Variants in DSE observed in about 807,000 individuals in gnomAD.
DSE encodes the protein dermatan sulfate epimerase, also known as dermatan-sulfate epimerase.
Under a neutral mutation model 84.4 loss-of-function variants are expected in DSE, and 36 were observed. The observed-to-expected ratio is 0.43, with a 90% CI of 0.33 to 0.56. The LOEUF is 0.56. DSE is among the 20% of genes least tolerant of loss of function. DSE has a pLI of 0.06. For missense variants in DSE, 862 were observed against 1,169.6 expected, an observed-to-expected ratio of 0.74 and a Z score of 3.84; for synonymous variants, 410 against 430.1, an observed-to-expected ratio of 0.95 and a Z score of 0.58.
At chr6:116,353,832 G>T (rs1208181450) in intron 2 of DSE, among the ~76,000 whole-genome samples, 1 of 152,120 alleles carries the variant, frequency 6.6e-6, no homozygotes, top group African/African-American at 2.4e-5. Context: ...TTTGGTTTTT[G>T]TGAGCTTTAA....
Position 116,334,547 on chromosome 6 carries a change from T to C in DSE, c.-53-64651T>C, listed in dbSNP as rs192866645. ...CTAGATCCCATTTGTTATTTATTTT[T>C]TTTGCCTTCATTGCAATTGCTTTTG... On this transcript the variant is annotated intron_variant, in intron 2 of 3. Coordinates refer to the DSE transcript ENST00000430252. Among the ~76,000 whole-genome samples, 145 of 152,338 alleles carry C rather than the reference T, an allele frequency of 9.5e-4. 1 individual carries two copies. The highest frequency in any genetic ancestry group is 3.4e-3 in the African/African-American group (141 of 41,572).
intron 2 of DSE, among the ~76,000 whole-genome samples, chr6:116,330,556 T>C (rs1776876713): frequency 6.6e-6 from 1 of 152,224 alleles, no homozygotes; most frequent in Non-Finnish European, 1.5e-5. Flanking sequence ...CCGATTTTGG[T>C]AATAACTATT....
rs372099501 is a variant in DSE, at chr6:116,431,201, G to A, written c.910+8G>A. On this transcript the variant is annotated splice_region_variant and intron_variant, in intron 4 of 5. Transcript: ENST00000644252. ...ATAGAACCATCCTGCCAGGTATAGT[G>A]AGGAGTCAGAAGTGTGAAAACATTA... is the stretch of plus-strand genomic sequence containing the variant. 73 of 1,613,804 alleles carry A rather than the reference G, an allele frequency of 4.5e-5. No homozygotes were observed. The African/African-American group carries it at 9.1e-4, about 20-fold the overall frequency.
intron 2 of DSE, among the ~76,000 whole-genome samples, chr6:116,341,378 G>A (rs1244919671): frequency 2.0e-5 from 3 of 152,068 alleles, no homozygotes; most frequent in African/African-American, 4.8e-5. Flanking sequence ...CTGGATATTA[G>A]CCCTTGTCAG....
rs754326863 is a variant in DSE at position 116,437,167 on chromosome 6, A to G, written c.2699A>G (p.Tyr900Cys). The change falls in exon 6 of 6, where the codon TAT becomes TGT. Residue 900 changes from tyrosine (Y) to cysteine (C), a missense_variant. Physicochemically the swap from Tyr to Cys is radical, Grantham distance 194. Coordinates refer to ENST00000644252, the MANE Select transcript of DSE (RefSeq NM_013352.4). ...AGGGCCCCATCACTGTCTGCTTCCT[A>G]TACCAGGTTGTTCCTGATTCTGAAC... Reference protein sequence around the residue: ...HSRAPSLSASYTRLFLILNIA... With the variant: ...HSRAPSLSASCTRLFLILNIA... 1.2e-6 allele frequency: 2 copies of G among 1,614,136 alleles called. No homozygotes were observed. The highest frequency in any genetic ancestry group is 1.7e-6 in the Non-Finnish European group (2 of 1,180,002).
intron 2 of DSE, among the ~76,000 whole-genome samples, chr6:116,271,530 G>A (rs1473781576): frequency 6.6e-6 from 1 of 152,176 alleles, no homozygotes; most frequent in African/African-American, 2.4e-5. Context: ...CTATTTACAG[G>A]ACAATATGTC....
At chr6:116,368,395 G>A (rs1779289163), upstream of DSE, among the ~76,000 whole-genome samples, 1 of 152,216 alleles carries the variant, frequency 6.6e-6, no homozygotes, top group South Asian at 2.1e-4. Context: ...CGGATTTACA[G>A]AGGTCATGAA....
chr6:116,384,100 C>G (rs1050549655), intron 1 of DSE, among the ~76,000 whole-genome samples: 1 of 152,140 alleles, frequency 6.6e-6, no homozygotes, highest in African/African-American at 2.4e-5. Context: ...ATAATAATTA[C>G]AATCCTTGGG....
chr6:116,365,591 G>A (rs1333084539), upstream of DSE, among the ~76,000 whole-genome samples: 2 of 152,202 alleles, frequency 1.3e-5, no homozygotes, highest in East Asian at 3.8e-4. Flanking sequence ...CTAATGTGCA[G>A]CAAAGTTTGG....
At chr6:116,329,728 C>A (rs1031217999) in intron 2 of DSE, among the ~76,000 whole-genome samples, 1 of 152,214 alleles carries the variant, frequency 6.6e-6, no homozygotes, top group Non-Finnish European at 1.5e-5. Context: ...ATTAATTTGA[C>A]AAAGCATTGA....
chr6:116,325,829 C>T (rs28414159), intron 2 of DSE, among the ~76,000 whole-genome samples: 4,018 of 152,252 alleles, frequency 0.026, 184 homozygotes, highest in African/African-American at 0.087. Context: ...CCGGGGGCAT[C>T]GGCAAGACTC....
intron 1 of DSE, chr6:116,254,380 T>G: frequency 2.1e-6 from 1 of 481,578 alleles, no homozygotes. Context: ...ATATTTACTT[T>G]AAGGTGAGTT....
chr6:116,271,284 TTC>T (rs1338409106), intron 2 of DSE, among the ~76,000 whole-genome samples: 1 of 152,180 alleles, frequency 6.6e-6, no homozygotes, highest in East Asian at 1.9e-4. Context: ...ACCTTCAGAG[TTC>T]TGTTTCAGTA....
intron 2 of DSE, among the ~76,000 whole-genome samples, chr6:116,321,491 T>C (rs756476125): frequency 1.3e-5 from 2 of 151,918 alleles, no homozygotes; most frequent in Non-Finnish European, 2.9e-5. Flanking sequence ...AAACTCTTCT[T>C]ATATTTACAG....
At chr6:116,394,024 G>A (rs1781081023) in intron 1 of DSE, among the ~76,000 whole-genome samples, 1 of 152,014 alleles carries the variant, frequency 6.6e-6, no homozygotes, top group South Asian at 2.1e-4. Flanking sequence ...AACTTTTAAT[G>A]TTATTGAACA....
chr6:116,293,302 T>C (rs1175762599), intron 2 of DSE, among the ~76,000 whole-genome samples: 1 of 150,702 alleles, frequency 6.6e-6, no homozygotes, highest in Admixed American at 6.6e-5. Flanking sequence ...ACACGGAGTC[T>C]TGCTCTGTCA....
chr6:116,404,588 G>A (rs546577246), intron 2 of DSE, among the ~76,000 whole-genome samples: 1 of 152,284 alleles, frequency 6.6e-6, no homozygotes, highest in African/African-American at 2.4e-5. Flanking sequence ...TAAAATATGG[G>A]TTATTCCTCC....
At chr6:116,288,874 A>G (rs1562206278) in intron 2 of DSE, among the ~76,000 whole-genome samples, 2 of 152,032 alleles carry the variant, frequency 1.3e-5, no homozygotes, top group African/African-American at 2.4e-5. Flanking sequence ...GCAGGCACAC[A>G]TTTTATAAGA....
intron 2 of DSE, among the ~76,000 whole-genome samples, chr6:116,285,433 T>C (rs1380820866): frequency 6.6e-6 from 1 of 152,242 alleles, no homozygotes; most frequent in African/African-American, 2.4e-5. Flanking sequence ...CTTTGTCAGA[T>C]GGGTAGATTG....
Sources: allele counts gnomAD v4.1 joint callset (sites outside exome capture counted in the v4.1 genomes callset), GRCh38; gene constraint gnomAD v4.1.1; transcripts MANE v1.5; gene names NCBI Gene and HGNC (gene_info 2026-07-23, HGNC 2026-07-21).